The following ALKBH5 variants were observed in gnomAD, a reference collection of about 807,000 sequenced individuals.
ALKBH5 encodes the protein RNA demethylase ALKBH5.
A neutral mutation model predicts 32.1 loss-of-function variants in ALKBH5; 2 were observed. That is an observed-to-expected ratio of 0.06 (90% CI 0.03 to 0.20). ALKBH5 has a LOEUF of 0.20. Among genes scored for constraint, ALKBH5 ranks in the 10% least tolerant of loss-of-function variants. The pLI, the probability that ALKBH5 is intolerant of heterozygous loss-of-function variation, is 1.00. For synonymous variants in ALKBH5, 300 were observed against 231.7 expected (o/e 1.29, Z -2.68); for missense variants, 352 against 559.5 (o/e 0.63, Z 3.74).
At position 18,184,549 on chromosome 17, in the gene ALKBH5, G is replaced by C. The variant is rs2047125909; in HGVS notation, c.306G>C (p.Lys102Asn). The part of the protein sequence containing the change: ...MRLFSQDECA[K>N]IEARIDEVVS... ...TCTTCAGCCAGGACGAGTGCGCCAA[G>C]ATCGAGGCCCGCATTGACGAGGTGG... Residue 102 changes from lysine (K) to asparagine (N), a missense_variant, in exon 1 of 4, where the codon AAG becomes AAC. Lys to Asn is a moderately conservative substitution (Grantham distance 94). This residue lies in a region of ALKBH5 where 28 missense variants were observed against 53.1 expected (regional missense o/e 0.53). Coordinates refer to ENST00000399138, the MANE Select transcript of ALKBH5 (RefSeq NM_017758.4). 6.2e-7 allele frequency: 1 copy of C among 1,613,356 alleles called. No homozygotes were observed. Among genetic ancestry groups the C allele is most frequent in the Middle Eastern group, 1.6e-4 (1 of 6,062 alleles).
chr17:18,199,179 A>G (rs1482898325), intron 2 of ALKBH5, among the ~76,000 whole-genome samples: 3 of 152,220 alleles, frequency 2.0e-5, no homozygotes, highest in African/African-American at 7.2e-5. Context: ...GCTACAGGCT[A>G]GTCGGCTCTT....
rs73980850 is a variant in ALKBH5, at chr17:18,200,566, C to G, written c.851+5531C>G. Reference sequence around the variant, plus strand: ...TCCCTTTGCCAAGTGGTAACCTAAGCTGGTGTGTGCTAGGCTCTGTGCTAG... The same window carrying G: ...TCCCTTTGCCAAGTGGTAACCTAAGGTGGTGTGTGCTAGGCTCTGTGCTAG... On this transcript the variant is annotated intron_variant, in intron 2 of 3. Transcript: ENST00000399138. 2.1e-3 allele frequency among the ~76,000 whole-genome samples: 325 copies of G among 152,292 alleles called. 1 individual carries two copies. The highest frequency in any genetic ancestry group is 7.4e-3 in the African/African-American group (307 of 41,566).
intron 1 of ALKBH5, among the ~76,000 whole-genome samples, chr17:18,189,078 T>TAA (rs201234613): frequency 7.3e-6 from 1 of 136,386 alleles, no homozygotes. Flanking sequence ...AAAAAAATAA[T>TAA]AAAAAAAAAA....
intron 2 of ALKBH5, among the ~76,000 whole-genome samples, chr17:18,199,004 CT>C (rs2047220493): frequency 6.6e-6 from 1 of 152,158 alleles, no homozygotes; most frequent in Non-Finnish European, 1.5e-5. Context: ...AAGTCCTGCC[CT>C]TTCCCCCAGT....
intron 1 of ALKBH5, among the ~76,000 whole-genome samples, chr17:18,189,518 C>CGT (rs998213337): frequency 2.0e-5 from 3 of 152,168 alleles, no homozygotes; most frequent in East Asian, 1.9e-4. Context: ...AGTGGGTGTA[C>CGT]GTGTGCCCTT....
Position 18,184,425 on chromosome 17 carries a change from A to T in ALKBH5, c.182A>T (p.Gln61Leu). 6.3e-7 allele frequency: 1 copy of T among 1,591,790 alleles called. No individual in the cohort carries two copies. The highest frequency in any genetic ancestry group is 8.5e-7 in the Non-Finnish European group (1 of 1,169,812). ...GTGTCCGGGGCCAAGCGCAAGTATC[A>T]GGAGGACTCGGACCCCGAGCGCAGC... ...YPVSGAKRKY[Q>L]EDSDPERSDY... The change falls in exon 1 of 4, where the codon CAG becomes CTG. Residue 61 changes from glutamine (Q) to leucine (L), a missense_variant. By Grantham distance (113) the Gln-to-Leu change is moderately radical. Transcript: ENST00000399138.
intron 3 of ALKBH5, 61 bp downstream of exon 3, chr17:18,207,031 T>C: frequency 6.3e-7 from 1 of 1,582,052 alleles, no homozygotes; most frequent in Non-Finnish European, 8.6e-7. Context: ...GTGAGAAGGG[T>C]GGAGAAGCCT....
chr17:18,185,309 T>TC (rs377190985), intron 1 of ALKBH5, among the ~76,000 whole-genome samples: 7 of 152,158 alleles, frequency 4.6e-5, no homozygotes, highest in African/African-American at 1.4e-4. Context: ...TTTTTTTTTT[T>TC]CCCACCATCC....
intron 2 of ALKBH5, among the ~76,000 whole-genome samples, chr17:18,195,920 T>G (rs2047201652): frequency 6.6e-6 from 1 of 152,244 alleles, no homozygotes; most frequent in Non-Finnish European, 1.5e-5. Context: ...AAACTTGCTG[T>G]CTGTCGTCTT....
intron 2 of ALKBH5, among the ~76,000 whole-genome samples, chr17:18,201,775 A>ATAGATAGATAGGTAGG (rs1555550992): frequency 1.4e-5 from 2 of 141,770 alleles, no homozygotes; most frequent in South Asian, 4.7e-4. Flanking sequence ...AGATAGATAG[A>ATAGATAGATAGGTAGG]TAGATAGATA....
chr17:18,209,006 A>G lies in ALKBH5; in HGVS notation c.*610A>G. The G allele has an allele frequency of 6.0e-6, 1 of 166,744 alleles. No homozygotes were observed. Among genetic ancestry groups the G allele is most frequent in the South Asian group, 1.5e-4 (1 of 6,876 alleles). 10.3% of individuals were successfully genotyped at this position (166,744 alleles called of 1,614,324 possible). A position where few individuals can be genotyped will look rare whatever the true frequency, so the allele number is the denominator to read the frequency against. On this transcript the variant is annotated 3_prime_UTR_variant, in exon 4 of 4. Transcript: ENST00000399138. ...AACAGTGCCAGCCCCTGCCATCCCA[A>G]AGCTATTGTTAAGCCCCCCAGGCGT...
At position 18,184,347 on chromosome 17, in the gene ALKBH5, CAGCCGCCGT is replaced by C. The variant is rs751084337; in HGVS notation, c.113_121del (p.Val38_Ala40del). 4.1e-5 allele frequency: 62 copies of C among 1,513,696 alleles called. No individual in the cohort carries two copies. The highest frequency in any genetic ancestry group is 1.0e-4 in the East Asian group (4 of 38,752). The allele number at this position is 1,513,696 out of a possible 1,614,324, so 93.8% of individuals were successfully genotyped here. On this transcript the variant is annotated inframe_deletion, in exon 1 of 4. Transcript: ENST00000399138. ...AGCCGGGAGGCCGCCGCCGCTGCCG[CAGCCGCCGT>C]AGCCGCCGCAGCCGCAGCCGCCGCT...
chr17:18,206,680 A>C, intron 2 of ALKBH5, 135 bp from the exon 3 acceptor site: 2 of 889,792 alleles, frequency 2.2e-6, no homozygotes, highest in Non-Finnish European at 3.5e-6. Flanking sequence ...CCTCAAGGAG[A>C]GTGAGGTACA....
At chr17:18,202,557 T>A (rs778433766) in intron 2 of ALKBH5, among the ~76,000 whole-genome samples, 2 of 152,134 alleles carry the variant, frequency 1.3e-5, no homozygotes, top group Non-Finnish European at 2.9e-5. Flanking sequence ...TCTGCCTCGC[T>A]TTGTTGGAAA....
intron 3 of ALKBH5, among the ~76,000 whole-genome samples, chr17:18,207,548 A>G (rs967454791): frequency 1.5e-4 from 23 of 152,108 alleles, no homozygotes; most frequent in African/African-American, 4.6e-4. Context: ...CTGTAGTCCC[A>G]GCTCCTCGGG....
chr17:18,195,104 CT>C (rs1354830628), intron 2 of ALKBH5, 69 bp downstream of exon 2: 4 of 1,370,692 alleles, frequency 2.9e-6, no homozygotes, highest in Non-Finnish European at 3.1e-6. Context: ...TCTGGGTCCA[CT>C]TAGAACTCAG....
At chr17:18,193,865 C>T (rs1327438876) in intron 1 of ALKBH5, among the ~76,000 whole-genome samples, 2 of 152,158 alleles carry the variant, frequency 1.3e-5, no homozygotes, top group East Asian at 1.9e-4. Context: ...CCATACTTGT[C>T]CTACTAGGCT....
At chr17:18,204,670 G>A (rs574356425) in intron 2 of ALKBH5, among the ~76,000 whole-genome samples, 1 of 152,016 alleles carries the variant, frequency 6.6e-6, no homozygotes, top group Non-Finnish European at 1.5e-5. Context: ...GTTGAGGTGG[G>A]AGGATCGCTT....
At chr17:18,204,658 A>C (rs957079041) in intron 2 of ALKBH5, among the ~76,000 whole-genome samples, 1 of 151,900 alleles carries the variant, frequency 6.6e-6, no homozygotes, top group African/African-American at 2.4e-5. Context: ...GCTGCTTGGG[A>C]GGTTGAGGTG....
Sources: allele counts gnomAD v4.1 joint callset (sites outside exome capture counted in the v4.1 genomes callset), GRCh38; gene constraint gnomAD v4.1.1; regional missense constraint gnomAD v4.1.1; transcripts MANE v1.5; gene names NCBI Gene and HGNC (gene_info 2026-07-23, HGNC 2026-07-21).